Variants in SPOCD1 observed in about 807,000 individuals in gnomAD.
SPOCD1 encodes SPOC domain containing 1.
In SPOCD1, 64 loss-of-function variants were observed where a neutral mutation model predicts 92.2. That is an observed-to-expected ratio of 0.69 (90% CI 0.57 to 0.86). The LOEUF is 0.86. SPOCD1 is among the 40% of genes least tolerant of loss of function. SPOCD1 has a pLI of 0.00. For missense variants in SPOCD1, 1,360 were observed against 1,543.1 expected (o/e 0.88, Z 1.99); for synonymous variants, 578 against 619.3 (o/e 0.93, Z 0.99).
Position 31,791,051 on chromosome 1 carries a change from G to C in SPOCD1, c.3203C>G (p.Ala1068Gly), listed in dbSNP as rs1647552712. 6.2e-7 allele frequency: 1 copy of C among 1,612,662 alleles called. No homozygotes were observed. The highest frequency in any genetic ancestry group is 1.7e-5 in the Admixed American group (1 of 59,930). Residue 1068 changes from alanine to glycine, a missense_variant, in exon 16 of 16, where the codon GCC (alanine) becomes GGC (glycine). Around this residue, in one of 3 missense-constraint regions of SPOCD1, gnomAD observed 614 missense variants for 757.8 expected, o/e 0.81. Coordinates refer to ENST00000360482, the MANE Select transcript of SPOCD1 (RefSeq NM_144569.7). ...PLKGTPPPGG[A>G]WQQSQGRGSI... The stretch of plus-strand genomic sequence containing the variant: ...GCCCCTGCCCTGGCTCTGCTGCCAG[G>C]CACCTCCTGGGGGAGGGGTGCCCTT...
rs1420092874 is a variant in SPOCD1, at chr1:31,814,485, C to T, written c.849G>A (p.Glu283=). Residue 283 remains glutamate (E), a synonymous_variant, in exon 2 of 16, where the codon GAG becomes GAA. Transcript: ENST00000360482. The surrounding 1 kb of genome is among the most constrained non-coding windows in gnomAD (Gnocchi z 4.2). Reference sequence around the variant, plus strand: ...CTGTAGCGGGCAAATATCCAAATTTCTCAGTCCCTGAGGCACATCCTGCCC... The same window carrying T: ...CTGTAGCGGGCAAATATCCAAATTTTTCAGTCCCTGAGGCACATCCTGCCC... ...GSGAGCASGT[E]KFGYLPATGD... 1.3e-6 allele frequency: 2 copies of T among 1,569,306 alleles called. No individual in the cohort carries two copies. The highest frequency in any genetic ancestry group is 1.8e-5 in the Admixed American group (1 of 54,954).
At chr1:31,793,994 G>T in intron 11 of SPOCD1, 97 bp from the exon 12 acceptor site, 1 of 1,522,576 alleles carries the variant, frequency 6.6e-7, no homozygotes. Context: ...TTCTTTTCTA[G>T]GTGACCTGGG....
chr1:31,814,257 C>T lies in SPOCD1; in HGVS notation c.1077G>A (p.Gln359=). The change falls in exon 2 of 16, where the codon CAG becomes CAA. Residue 359 remains glutamine (Q), a synonymous_variant. Transcript: ENST00000360482. The surrounding 1 kb of genome is among the most constrained non-coding windows in gnomAD (Gnocchi z 4.2). The part of the protein sequence containing the change: ...TGSDEGQAPA[Q]DQEELEAKAQ... ...CCTTGGCCTCCAGCTCCTCCTGGTC[C>T]TGTGCTGGAGCCTGGCCTTCATCGC... 1 of 1,584,532 alleles carries T rather than the reference C, an allele frequency of 6.3e-7. No homozygotes were observed.
intron 2 of SPOCD1, among the ~76,000 whole-genome samples, chr1:31,807,316 G>A (rs1340469721): frequency 7.6e-6 from 1 of 132,142 alleles, no homozygotes; most frequent in East Asian, 2.2e-4. Flanking sequence ...TTGAAGCTGG[G>A]AGGTGGAGGC....
At chr1:31,796,351 TG>T in intron 10 of SPOCD1, 1 of 613,188 alleles carries the variant, frequency 1.6e-6, no homozygotes, top group Non-Finnish European at 2.9e-6. Context: ...GTGGGGGCCT[TG>T]GGGTGAGGCC....
At chr1:31,810,637 C>T (rs1649137396) in intron 2 of SPOCD1, among the ~76,000 whole-genome samples, 2 of 152,174 alleles carry the variant, frequency 1.3e-5, no homozygotes, top group South Asian at 4.1e-4. Flanking sequence ...TGTGAGCCAC[C>T]ACGCCTGGCC....
At position 31,792,324 on chromosome 1, in the gene SPOCD1, A is replaced by G. The variant is rs751080434; in HGVS notation, c.2853T>C (p.Asn951=). The G allele has an allele frequency of 5.6e-6, 9 of 1,613,986 alleles. No individual in the cohort carries two copies. The highest frequency in any genetic ancestry group is 2.2e-5 in the East Asian group (1 of 44,874). Residue 951 remains asparagine (N), a synonymous_variant, in exon 15 of 16, where the codon AAT becomes AAC. Transcript: ENST00000360482. ...AGGCCAGCCCGTGGCGCTGCCTATC[A>G]TTGAGGTATGAGTAGAGCAGGCGGC... ...QNCRLLYSYL[N]DRQRHGLASV...
chr1:31,799,619 T>C, intron 6 of SPOCD1, 134 bp from the exon 7 acceptor site: 1 of 1,076,516 alleles, frequency 9.3e-7, no homozygotes, highest in South Asian at 1.5e-5. Context: ...CCTCTATCCA[T>C]CTGGGAGCCA....
rs1347106982 is a variant in SPOCD1 at position 31,791,268 on chromosome 1, G to A, written c.2986C>T (p.Pro996Ser). 1.9e-6 allele frequency: 3 copies of A among 1,547,140 alleles called. No individual in the cohort carries two copies. Among genetic ancestry groups the A allele is most frequent in the East Asian group, 2.3e-5 (1 of 43,770 alleles). Residue 996 changes from proline to serine, a missense_variant, in exon 16 of 16, where the codon CCT becomes TCT. Pro to Ser is a moderately conservative substitution (Grantham distance 74). Coordinates refer to ENST00000360482, the MANE Select transcript of SPOCD1 (RefSeq NM_144569.7). ...GPGLWALPVSPLLSPGLEVTH... is the reference protein window; with the variant it reads ...GPGLWALPVSSLLSPGLEVTH... ...ACCTCCAGACCTGGGGAAAGGAGAG[G>A]GGAGACAGGAAGAGCCCAAAGGCCT... is the stretch of plus-strand genomic sequence containing the variant.
At chr1:31,803,499 G>A (rs562898168) in intron 2 of SPOCD1, among the ~76,000 whole-genome samples, 76 of 151,882 alleles carry the variant, frequency 5.0e-4, no homozygotes, top group Non-Finnish European at 9.6e-4. Context: ...TTGGGAGGCC[G>A]AGACAGGAGG....
chr1:31,805,682 C>T (rs1049793488), intron 2 of SPOCD1, among the ~76,000 whole-genome samples: 2 of 151,920 alleles, frequency 1.3e-5, no homozygotes, highest in African/African-American at 4.8e-5. Flanking sequence ...GCTATGATCA[C>T]GCCACTGCAG....
At chr1:31,815,579 C>T (rs1021749914) in intron 1 of SPOCD1, among the ~76,000 whole-genome samples, 1 of 152,200 alleles carries the variant, frequency 6.6e-6, no homozygotes, top group Non-Finnish European at 1.5e-5. Flanking sequence ...CCAAACAGGG[C>T]CGAGCTACAG....
rs1445395363 is a variant in SPOCD1, at chr1:31,792,207, G to A, written c.2962+8C>T. 6.3e-7 allele frequency: 1 copy of A among 1,593,478 alleles called. No individual in the cohort carries two copies. Among genetic ancestry groups the A allele is most frequent in the Non-Finnish European group, 8.5e-7 (1 of 1,170,190 alleles). On this transcript the variant is annotated splice_region_variant and intron_variant, in intron 15 of 15. Coordinates refer to ENST00000360482, the MANE Select transcript of SPOCD1 (RefSeq NM_144569.7). The stretch of plus-strand genomic sequence containing the variant: ...AGGCAGGGTCTGGTATGGGGACTAG[G>A]CACTCACCTGGGCCCCCCAAAGGGC...
chr1:31,799,726 C>T, intron 6 of SPOCD1, 83 bp downstream of exon 6: 1 of 1,499,802 alleles, frequency 6.7e-7, no homozygotes, highest in Non-Finnish European at 9.2e-7. Flanking sequence ...ATAGCAGGGG[C>T]TGGGCCCAGG....
At chr1:31,811,328 G>A (rs1348334432) in intron 2 of SPOCD1, among the ~76,000 whole-genome samples, 5 of 151,928 alleles carry the variant, frequency 3.3e-5, no homozygotes, top group Admixed American at 1.3e-4. Context: ...AAAATTAGCC[G>A]GGCATGGTGG....
rs1174306123 is a variant in SPOCD1 at position 31,814,598 on chromosome 1, C to T, written c.736G>A (p.Val246Ile). 1 of 1,529,220 alleles carries T rather than the reference C, an allele frequency of 6.5e-7. No individual in the cohort carries two copies. The highest frequency in any genetic ancestry group is 1.3e-5 in the South Asian group (1 of 76,332). 94.7% of individuals were successfully genotyped at this position (1,529,220 alleles called of 1,614,324 possible). ...CCTCCCAAGGACTCCAGGTCAGCAA[C>T]TTGGGGAGGGTCTCCCACAGACAGG... The part of the protein sequence containing the change: ...NLLSVGDPPQ[V>I]ADLESLGGPC... The change falls in exon 2 of 16, where the codon GTT becomes ATT. Residue 246 changes from valine to isoleucine, a missense_variant. Around this residue, in one of 3 missense-constraint regions of SPOCD1, gnomAD observed 606 missense variants for 601.5 expected, o/e 1.01. Coordinates refer to ENST00000360482, the MANE Select transcript of SPOCD1 (RefSeq NM_144569.7). This position sits in a 1 kb window ranked among gnomAD's most constrained non-coding sequence, Gnocchi z 4.2.
intron 2 of SPOCD1, among the ~76,000 whole-genome samples, chr1:31,809,580 T>A (rs1347013701): frequency 6.7e-6 from 1 of 149,376 alleles, no homozygotes; most frequent in African/African-American, 2.5e-5. Context: ...AACAAATAAA[T>A]AAATTGGGGC....
In SPOCD1 at chr1:31,803,790, GAAAGGA is replaced by G. The variant is rs201837155; in HGVS notation, c.1384-2091_1384-2086del. On this transcript the variant is annotated intron_variant, in intron 2 of 15. Transcript: ENST00000360482. ...GAGAAGAAAAGAAAGGAGAAGAAAG[GAAAGGA>G]AAGGGAAAGGAAAGGAAAGGAGAAG... Among the ~76,000 whole-genome samples, 1,031 of 150,144 alleles carry G rather than the reference GAAAGGA, an allele frequency of 6.9e-3. 13 individuals are homozygous for G. Among genetic ancestry groups the G allele is most frequent in the African/African-American group, 0.023 (952 of 40,764 alleles).
intron 2 of SPOCD1, among the ~76,000 whole-genome samples, chr1:31,807,158 G>A (rs1304255166): frequency 2.0e-5 from 3 of 149,214 alleles, no homozygotes; most frequent in African/African-American, 7.4e-5. Flanking sequence ...GAGGTCAGGC[G>A]GGTTGATCAC....
Sources: gnomAD v4.1 joint callset for allele counts (sites outside exome capture counted in the v4.1 genomes callset) on GRCh38, gnomAD v4.1.1 for gene constraint, gnomAD v4.1.1 regional missense constraint, Gnocchi (gnomAD v3.1) non-coding constraint, MANE v1.5 for transcripts, NCBI Gene and HGNC (gene_info 2026-07-23, HGNC 2026-07-21) for gene names.